ZNF280C: variants seen among roughly 807,000 people sequenced by gnomAD.
The protein encoded by ZNF280C is suppressor of hairy wing homolog 3.
In ZNF280C, 14 loss-of-function variants were observed where a neutral mutation model predicts 53.6. The observed-to-expected ratio is 0.26, with a 90% CI of 0.17 to 0.41. The LOEUF (loss-of-function observed/expected upper bound fraction) is 0.41. Among genes scored for constraint, ZNF280C ranks in the 10% least tolerant of loss-of-function variants. The pLI is 1.00. For missense variants in ZNF280C, 416 were observed against 547.1 expected, an observed-to-expected ratio of 0.76 and a Z score of 2.39; for synonymous variants, 203 against 181.1, an observed-to-expected ratio of 1.12 and a Z score of -0.97.
chrX:130,230,441 T>A, intron 9 of ZNF280C, 69 bp downstream of exon 9: 2 of 706,725 alleles, frequency 2.8e-6, no homozygotes, highest in Non-Finnish European at 4.1e-6. Flanking sequence ...CAGAGCAATG[T>A]AAAGATACTA....
intron 2 of ZNF280C, among the ~76,000 whole-genome samples, chrX:130,249,726 G>T (rs2124712297): frequency 8.9e-6 from 1 of 112,042 alleles, no homozygotes; most frequent in East Asian, 2.8e-4. Context: ...ACCAGCAAAA[G>T]AACTCTGACA....
chrX:130,261,046 A>C (rs1321512250), intron 1 of ZNF280C, among the ~76,000 whole-genome samples: 1 of 112,357 alleles, frequency 8.9e-6, no homozygotes, highest in Non-Finnish European at 1.9e-5. Context: ...GAAAAGTAAC[A>C]GAAAAGTAAT....
Position 130,229,001 on chromosome X carries a change from T to C in ZNF280C, c.1123A>G (p.Thr375Ala), listed in dbSNP as rs1261529789. ...PFQLQCHIES[T>A]HTPHEFSTIC... ...CTAGAAAACTCATGGGGAGTGTGTG[T>C]ACTCTCAATGTGGCACTGCAGTTGG... The change falls in exon 10 of 19, where the codon ACA (threonine) becomes GCA (alanine). Residue 375 changes from threonine to alanine, a missense_variant. Coordinates refer to ENST00000370978, the MANE Select transcript of ZNF280C (RefSeq NM_017666.5). 1.7e-6 allele frequency: 2 copies of C among 1,206,256 alleles called. No individual in the cohort carries two copies. Among genetic ancestry groups the C allele is most frequent in the Non-Finnish European group, 1.1e-6 (1 of 892,402 alleles).
intron 8 of ZNF280C, among the ~76,000 whole-genome samples, chrX:130,235,731 G>A (rs1377734579): frequency 9.0e-6 from 1 of 111,606 alleles, no homozygotes; most frequent in Non-Finnish European, 1.9e-5. Flanking sequence ...TATTCTAAGT[G>A]CTCTCTCCTA....
At chrX:130,264,204 C>A (rs1402243533) in intron 1 of ZNF280C, among the ~76,000 whole-genome samples, 1 of 110,956 alleles carries the variant, frequency 9.0e-6, no homozygotes, top group Non-Finnish European at 1.9e-5. Flanking sequence ...AACATTCGAC[C>A]GGTCCTGATG....
chrX:130,260,274 T>A (rs1390307217), intron 2 of ZNF280C, 145 bp downstream of exon 2: 1 of 313,921 alleles, frequency 3.2e-6, no homozygotes, highest in Non-Finnish European at 4.8e-6. Flanking sequence ...ACAGTGAGAC[T>A]CTGTCTCAAA....
chrX:130,202,890 G>T lies in ZNF280C; in HGVS notation c.*2087C>A, dbSNP rs2031929355. Reference sequence around the variant, plus strand: ...TGAGCAAGAAACAAGTGCATTTTTTGGTCCCAATATTTTTTGAATATATTA... The same window carrying T: ...TGAGCAAGAAACAAGTGCATTTTTTTGTCCCAATATTTTTTGAATATATTA... On this transcript the variant is annotated 3_prime_UTR_variant, in exon 19 of 19. Coordinates refer to ENST00000370978, the MANE Select transcript of ZNF280C (RefSeq NM_017666.5). The T allele has an allele frequency of 9.0e-6, 1 of 110,906 alleles. No homozygotes were observed. Among genetic ancestry groups the T allele is most frequent in the Non-Finnish European group, 1.9e-5 (1 of 52,934 alleles). 9.1% of individuals were successfully genotyped at this position (110,906 alleles called of 1,213,427 possible).
intron 1 of ZNF280C, among the ~76,000 whole-genome samples, chrX:130,268,265 G>C (rs1049313530): frequency 9.0e-6 from 1 of 111,359 alleles, no homozygotes; most frequent in Admixed American, 9.5e-5. Flanking sequence ...TGTGTGGGGG[G>C]AACCTGCGCA....
chrX:130,267,557 C>T (rs909900769), intron 1 of ZNF280C, among the ~76,000 whole-genome samples: 8 of 111,671 alleles, frequency 7.2e-5, no homozygotes, highest in African/African-American at 2.6e-4. Context: ...TACAGCCCAT[C>T]TCAAAAGGGG....
At chrX:130,230,475 C>G (rs1220740055) in intron 9 of ZNF280C, 35 bp downstream of exon 9, 2 of 1,038,168 alleles carry the variant, frequency 1.9e-6, no homozygotes, top group Non-Finnish European at 2.6e-6. Context: ...CATATCCCAA[C>G]TTTCAAACAG....
At chrX:130,235,497 G>C (rs746557599) in intron 8 of ZNF280C, among the ~76,000 whole-genome samples, 7 of 112,021 alleles carry the variant, frequency 6.2e-5, no homozygotes, top group African/African-American at 2.3e-4. Context: ...CTGGGTGACA[G>C]AGCAAGACTC....
At chrX:130,242,349 A>G (rs1311335374) in intron 5 of ZNF280C, among the ~76,000 whole-genome samples, 3 of 112,046 alleles carry the variant, frequency 2.7e-5, no homozygotes, top group African/African-American at 9.8e-5. Context: ...AGGCCAGTAA[A>G]TGTTAAGTAT....
chrX:130,260,598 A>G (rs2032621335), intron 1 of ZNF280C, 133 bp from the exon 2 acceptor site: 1 of 346,236 alleles, frequency 2.9e-6, no homozygotes, highest in Non-Finnish European at 5.0e-6. Flanking sequence ...ATATGACTCC[A>G]GACAAGACAG....
chrX:130,210,433 T>C (rs1182245626), intron 15 of ZNF280C, among the ~76,000 whole-genome samples: 3 of 112,363 alleles, frequency 2.7e-5, no homozygotes, highest in Admixed American at 9.4e-5. Context: ...TGATAGAAAT[T>C]GTTATAATAA....
At position 130,229,147 on chromosome X, in the gene ZNF280C, T is replaced by C; in HGVS notation, c.990-13A>G. 8.5e-7 allele frequency: 1 copy of C among 1,180,638 alleles called. No individual in the cohort carries two copies. The highest frequency in any genetic ancestry group is 1.1e-6 in the Non-Finnish European group (1 of 877,142). On this transcript the variant is annotated splice_polypyrimidine_tract_variant and intron_variant, in intron 9 of 18. Transcript: ENST00000370978. ...GTGGTTCATAAACCTACAAACAATT[T>C]GCCAGTAAGAGCAAAAATTCAGACT...
At chrX:130,245,305 A>AT (rs2032438878) in intron 3 of ZNF280C, among the ~76,000 whole-genome samples, 1 of 112,042 alleles carries the variant, frequency 8.9e-6, no homozygotes, top group South Asian at 3.7e-4. Context: ...TCATGCTTCA[A>AT]TAAGATGATT....
chrX:130,254,310 G>T (rs1017007436), intron 2 of ZNF280C, among the ~76,000 whole-genome samples: 4 of 112,098 alleles, frequency 3.6e-5, no homozygotes, highest in African/African-American at 1.3e-4. Flanking sequence ...CTGTTGGTGG[G>T]AGTGTAAATT....
rs1275775000 is a variant in ZNF280C at position 130,243,655 on chromosome X, G to C, written c.289C>G (p.Pro97Ala). The change falls in exon 5 of 19, where the codon CCA becomes GCA. Residue 97 changes from proline (P) to alanine (A), a missense_variant. Pro to Ala is a conservative substitution (Grantham distance 27). Transcript: ENST00000370978. The stretch of plus-strand genomic sequence containing the variant: ...GAGGCAGCCACTGGATTTGATGGTG[G>C]GTCTCTGCAGCGTTGACTTGCAGTC... ...FRTASQRCRDPPSNPVAASPR... is the reference protein window; with the variant it reads ...FRTASQRCRDAPSNPVAASPR... 8.3e-7 allele frequency: 1 copy of C among 1,210,307 alleles called. No homozygotes were observed. Among genetic ancestry groups the C allele is most frequent in the Non-Finnish European group, 1.1e-6 (1 of 894,531 alleles).
intron 1 of ZNF280C, among the ~76,000 whole-genome samples, chrX:130,263,857 T>C (rs971517426): frequency 1.1e-4 from 12 of 108,750 alleles, no homozygotes; most frequent in African/African-American, 4.0e-4. Context: ...AAACCCCGTC[T>C]CTACTAAAAA....
Sources: allele counts gnomAD v4.1 joint callset (sites outside exome capture counted in the v4.1 genomes callset), GRCh38; gene constraint gnomAD v4.1.1; transcripts MANE v1.5; gene names NCBI Gene and HGNC (gene_info 2026-07-23, HGNC 2026-07-21).